The following THSD7B variants were observed in gnomAD, a reference collection of about 807,000 sequenced individuals.
THSD7B encodes the protein thrombospondin type 1 domain containing 7B, also known as thrombospondin type-1 domain-containing protein 7B.
Under a neutral mutation model 213.6 loss-of-function variants are expected in THSD7B, and 138 were observed. The ratio of observed to expected loss-of-function variants is 0.65; its 90% CI spans 0.56 to 0.74. The LOEUF is 0.74. Ranked by LOEUF, THSD7B falls within the 30% of genes least tolerant of loss-of-function variation. THSD7B has a pLI of 0.00. For missense variants in THSD7B, 1,931 were observed against 1,991.5 expected, an observed-to-expected ratio of 0.97 and a Z score of 0.58; for synonymous variants, 742 against 687.0, an observed-to-expected ratio of 1.08 and a Z score of -1.25.
intron 1 of THSD7B, among the ~76,000 whole-genome samples, chr2:136,858,650 T>C (rs1292470229): frequency 1.3e-5 from 2 of 152,188 alleles, no homozygotes; most frequent in African/African-American, 4.8e-5. Flanking sequence ...GTCCAAGCCA[T>C]TTGTTATTAT....
chr2:137,362,675 A>G (rs1045795396), intron 12 of THSD7B, among the ~76,000 whole-genome samples: 7 of 152,354 alleles, frequency 4.6e-5, no homozygotes, highest in African/African-American at 4.8e-5. Flanking sequence ...CAATTCAACA[A>G]GATGAGCTAA....
At chr2:136,855,427 TTC>T (rs1474585855) in intron 1 of THSD7B, among the ~76,000 whole-genome samples, 1 of 151,604 alleles carries the variant, frequency 6.6e-6, no homozygotes, top group African/African-American at 2.4e-5. Context: ...TCCCTTCTTC[TTC>T]TCTCTCTTTT....
intron 1 of THSD7B, among the ~76,000 whole-genome samples, chr2:136,862,952 A>C (rs191385178): frequency 3.1e-4 from 47 of 152,280 alleles, no homozygotes; most frequent in Middle Eastern, 3.4e-3. Flanking sequence ...TTCACGTTTC[A>C]GATCCTTTAC....
rs754841130 is a variant in THSD7B, at chr2:137,616,212, A to G, written c.3461A>G (p.His1154Arg). 1.2e-6 allele frequency: 2 copies of G among 1,613,844 alleles called. No homozygotes were observed. The highest frequency in any genetic ancestry group is 2.2e-5 in the South Asian group (2 of 91,084). ...CACACAATGCAGAGAAGAACTCGCCACCTGCTAAGACCATCACTGAACTCA... is the reference window on the plus strand; with the variant it reads ...CACACAATGCAGAGAAGAACTCGCCGCCTGCTAAGACCATCACTGAACTCA... ...DPHTMQRRTRHLLRPSLNSRT... is the reference protein window; with the variant it reads ...DPHTMQRRTRRLLRPSLNSRT... The change falls in exon 18 of 28, where the codon CAC becomes CGC. Residue 1154 changes from histidine (H) to arginine (R), a missense_variant. His to Arg is a conservative substitution (Grantham distance 29, BLOSUM62 0). Transcript: ENST00000409968.
At chr2:137,339,721 G>A (rs1051681826) in intron 12 of THSD7B, among the ~76,000 whole-genome samples, 78 of 151,890 alleles carry the variant, frequency 5.1e-4, no homozygotes, top group African/African-American at 1.7e-3. Flanking sequence ...GTGAGGAAGG[G>A]GACAGACAGG....
chr2:136,992,067 T>C (rs987634114), intron 2 of THSD7B, among the ~76,000 whole-genome samples: 1 of 152,156 alleles, frequency 6.6e-6, no homozygotes, highest in South Asian at 2.1e-4. Flanking sequence ...CCTCATTGTC[T>C]CTCTTGCCCA....
Position 137,427,792 on chromosome 2 carries a change from T to C in THSD7B, c.2959+15920T>C, listed in dbSNP as rs183429119. Among the ~76,000 whole-genome samples, 4 of 152,272 alleles carry C rather than the reference T, an allele frequency of 2.6e-5. No homozygotes were observed. The East Asian group carries it at 5.8e-4, about 22-fold the overall frequency. The stretch of plus-strand genomic sequence containing the variant: ...ACGTCATGGCAATCATAGTTAATAA[T>C]AGTATATACTTGAAATTCTCTGTGA... On this transcript the variant is annotated intron_variant, in intron 14 of 27. Transcript: ENST00000409968.
chr2:137,349,297 C>T (rs1684958117), intron 12 of THSD7B, among the ~76,000 whole-genome samples: 1 of 151,654 alleles, frequency 6.6e-6, no homozygotes, highest in African/African-American at 2.4e-5. Context: ...ATCCATTTGT[C>T]ATTTCTTTAT....
intron 2 of THSD7B, among the ~76,000 whole-genome samples, chr2:136,883,218 T>C (rs993323438): frequency 2.6e-5 from 4 of 152,078 alleles, no homozygotes; most frequent in Admixed American, 6.6e-5. Flanking sequence ...GGCCCCATCA[T>C]CTGTAAATTA....
In THSD7B at chr2:137,405,734, C is replaced by G. The variant is rs1686501731; in HGVS notation, c.2622C>G (p.Phe874Leu). 3.1e-6 allele frequency: 5 copies of G among 1,613,748 alleles called. No homozygotes were observed. Among genetic ancestry groups the G allele is most frequent in the Non-Finnish European group, 4.2e-6 (5 of 1,179,806 alleles). The change falls in exon 13 of 28, where the codon TTC (phenylalanine) becomes TTG (leucine). Residue 874 changes from phenylalanine (F) to leucine (L), a missense_variant. By Grantham distance (22) the Phe-to-Leu change is conservative (BLOSUM62 0). Transcript: ENST00000409968. ...TCCCATGTCGAGAAGACTGCACCTT[C>G]ACTGCTTGGTCCAAGTTTACGCCCT... ...CTVPCREDCT[F>L]TAWSKFTPCS...
At chr2:137,139,192 T>A (rs147274864) in intron 5 of THSD7B, among the ~76,000 whole-genome samples, 9 of 152,208 alleles carry the variant, frequency 5.9e-5, no homozygotes, top group Admixed American at 2.0e-4. Context: ...TGTGTTAATA[T>A]GCAGCCTCTA....
chr2:137,617,995 C>G (rs1247747345), intron 18 of THSD7B, among the ~76,000 whole-genome samples: 1 of 152,160 alleles, frequency 6.6e-6, no homozygotes, highest in African/African-American at 2.4e-5. Context: ...TGCAGGGGTA[C>G]ACAAACATCT....
chr2:136,866,451 A>G (rs1683334651), intron 1 of THSD7B, among the ~76,000 whole-genome samples: 1 of 152,156 alleles, frequency 6.6e-6, no homozygotes, highest in Non-Finnish European at 1.5e-5. Flanking sequence ...ATATTAAACT[A>G]TGTTATTTTT....
intron 4 of THSD7B, among the ~76,000 whole-genome samples, chr2:137,096,555 A>G (rs961718587): frequency 6.6e-6 from 1 of 152,160 alleles, no homozygotes; most frequent in Non-Finnish European, 1.5e-5. Flanking sequence ...CTTATCTCAA[A>G]TGCAGAAGAT....
chr2:137,229,138 A>G (rs1382743108), intron 7 of THSD7B, among the ~76,000 whole-genome samples: 1 of 152,178 alleles, frequency 6.6e-6, no homozygotes, highest in Admixed American at 6.5e-5. Flanking sequence ...TTTTTAACCC[A>G]ACCCTCACCA....
intron 2 of THSD7B, among the ~76,000 whole-genome samples, chr2:136,986,036 A>T (rs1286472081): frequency 1.3e-5 from 2 of 152,204 alleles, no homozygotes; most frequent in African/African-American, 4.8e-5. Flanking sequence ...TTTGAAATGA[A>T]AATGGATACC....
At chr2:137,600,274 T>G (rs140494813) in intron 17 of THSD7B, among the ~76,000 whole-genome samples, 1 of 152,194 alleles carries the variant, frequency 6.6e-6, no homozygotes, top group South Asian at 2.1e-4. Context: ...GTTATTGGTT[T>G]CAGTATCCAG....
chr2:137,237,953 T>A (rs1681805413), intron 9 of THSD7B, among the ~76,000 whole-genome samples: 1 of 152,144 alleles, frequency 6.6e-6, no homozygotes, highest in African/African-American at 2.4e-5. Flanking sequence ...TCTTCTATAA[T>A]AGCACTGTAA....
Position 137,198,808 on chromosome 2 carries a change from G to A in THSD7B, c.1723+27870G>A, listed in dbSNP as rs191257814. ...ATGATGAGTTATAAAAGAAAAACTG[G>A]AAGACTTTTTGGTGGTTTTCTTTTC... On this transcript the variant is annotated intron_variant, in intron 7 of 27. Coordinates refer to ENST00000409968, the MANE Select transcript of THSD7B (RefSeq NM_001316349.2). Among the ~76,000 whole-genome samples the A allele has an allele frequency of 2.0e-5, 3 of 152,196 alleles. 1 individual carries two copies. The East Asian group carries it at 5.8e-4, about 29-fold the overall frequency.
Sources: gnomAD v4.1 joint callset for allele counts (sites outside exome capture counted in the v4.1 genomes callset) on GRCh38, gnomAD v4.1.1 for gene constraint, MANE v1.5 for transcripts, NCBI Gene and HGNC (gene_info 2026-07-23, HGNC 2026-07-21) for gene names.